POU2F1: variants seen among roughly 807,000 people sequenced by gnomAD.
POU2F1 encodes POU domain, class 2, transcription factor 1.
A neutral mutation model predicts 84.9 loss-of-function variants in POU2F1; 16 were observed. The observed-to-expected ratio is 0.19, with a 90% confidence interval of 0.13 to 0.29. The LOEUF (loss-of-function observed/expected upper bound fraction) is 0.29, where lower values mean the gene tolerates loss of function less well. POU2F1 is among the 10% of genes least tolerant of loss of function. The probability of loss-of-function intolerance (pLI) is 1.00; values close to 1 mark genes in which losing one functional copy is unlikely to be tolerated. For missense variants in POU2F1, 738 were observed against 942.6 expected (o/e 0.78, Z 2.84); for synonymous variants, 368 against 368.3 (o/e 1.00, Z 0.01).
rs934131892 is a variant in POU2F1 at position 167,424,744 on chromosome 1, T to A, written c.*8934T>A. On this transcript the variant is annotated 3_prime_UTR_variant, in exon 16 of 16. Coordinates refer to ENST00000367866, the MANE Select transcript of POU2F1 (RefSeq NM_002697.4). ...TTCTATTCCTTTTTGTTGCAAGGGG[T>A]CTTCACAGGTCTCTTAACATCTGCT... The A allele has an allele frequency of 6.6e-6, 1 of 152,102 alleles. No homozygotes were observed. The highest frequency in any genetic ancestry group is 1.5e-5 in the Non-Finnish European group (1 of 68,038). 9.4% of individuals were successfully genotyped at this position (152,102 alleles called of 1,614,324 possible).
At chr1:167,393,776 G>A (rs978573105) in intron 9 of POU2F1, among the ~76,000 whole-genome samples, 2 of 152,086 alleles carry the variant, frequency 1.3e-5, no homozygotes, top group South Asian at 2.1e-4. Flanking sequence ...AAAATTTGTA[G>A]CTTATTGTGC....
intron 2 of POU2F1, among the ~76,000 whole-genome samples, chr1:167,341,708 C>CT (rs1657868368): frequency 6.6e-6 from 1 of 152,194 alleles, no homozygotes; most frequent in Admixed American, 6.5e-5. Flanking sequence ...TTTCAGTGCA[C>CT]TCTTTTAGCC....
intron 1 of POU2F1, among the ~76,000 whole-genome samples, chr1:167,315,801 C>G (rs1655848577): frequency 6.9e-6 from 1 of 144,242 alleles, no homozygotes; most frequent in African/African-American, 2.8e-5. Flanking sequence ...GATACCCCAT[C>G]TCTTTAAAAA....
intron 1 of POU2F1, among the ~76,000 whole-genome samples, chr1:167,319,596 C>T (rs1409284645): frequency 2.0e-5 from 3 of 151,866 alleles, no homozygotes; most frequent in East Asian, 1.9e-4. Flanking sequence ...GTAGCTAGAG[C>T]TTGGCTAGTA....
At chr1:167,234,871 T>C (rs1032115468) in intron 1 of POU2F1, among the ~76,000 whole-genome samples, 4 of 152,366 alleles carry the variant, frequency 2.6e-5, no homozygotes, top group South Asian at 2.1e-4. Flanking sequence ...TTACATGTTA[T>C]TTTGATAAAA....
Position 167,396,317 on chromosome 1 carries a change from A to G in POU2F1, c.1019A>G (p.Tyr340Cys). ...GTTGGGCTCGCTATGGGGAAACTAT[A>G]TGGAAATGACTTCAGCCAAACTACC... ...GDVGLAMGKL[Y>C]GNDFSQTTIS... Residue 340 changes from tyrosine (Y) to cysteine (C), a missense_variant, in exon 10 of 16, where the codon TAT (tyrosine) becomes TGT (cysteine). This residue lies in a region of POU2F1 where 95 missense variants were observed against 195.1 expected (regional missense o/e 0.49). Transcript: ENST00000367866. 6.2e-7 allele frequency: 1 copy of G among 1,614,128 alleles called. No homozygotes were observed. The highest frequency in any genetic ancestry group is 1.1e-5 in the South Asian group (1 of 91,082).
intron 1 of POU2F1, among the ~76,000 whole-genome samples, chr1:167,228,451 A>C (rs1239229557): frequency 6.6e-6 from 1 of 152,252 alleles, no homozygotes; most frequent in African/African-American, 2.4e-5. Flanking sequence ...TGAAATAGAT[A>C]AGTCGTGATA....
intron 1 of POU2F1, among the ~76,000 whole-genome samples, chr1:167,300,120 G>T (rs1357102939): frequency 3.9e-5 from 6 of 152,152 alleles, no homozygotes; most frequent in African/African-American, 1.4e-4. Flanking sequence ...CAGCAACATG[G>T]ATACAGCTGG....
intron 15 of POU2F1, among the ~76,000 whole-genome samples, chr1:167,413,841 A>G (rs1331436328): frequency 6.6e-6 from 1 of 152,176 alleles, no homozygotes; most frequent in Non-Finnish European, 1.5e-5. Flanking sequence ...CTAATTAATT[A>G]GAATTTTTTT....
intron 1 of POU2F1, among the ~76,000 whole-genome samples, chr1:167,283,490 T>A (rs1158388492): frequency 6.6e-6 from 1 of 152,168 alleles, no homozygotes; most frequent in Non-Finnish European, 1.5e-5. Flanking sequence ...AATGGATGGT[T>A]GGGTAGATAG....
chr1:167,277,362 A>G (rs948412993), intron 1 of POU2F1, among the ~76,000 whole-genome samples: 6 of 151,978 alleles, frequency 3.9e-5, no homozygotes, highest in African/African-American at 1.5e-4. Context: ...TTGGCCTCCT[A>G]AGTAACTGTG....
chr1:167,271,476 A>T (rs1652361938), intron 1 of POU2F1, among the ~76,000 whole-genome samples: 1 of 152,272 alleles, frequency 6.6e-6, no homozygotes, highest in African/African-American at 2.4e-5. Flanking sequence ...AAGATTGGTC[A>T]GACTTCTATA....
rs1294512708 is a variant in POU2F1 at position 167,418,906 on chromosome 1, A to ATC, written c.*3096_*3097insTC. 6.6e-6 allele frequency: 1 copy of ATC among 152,204 alleles called. No individual in the cohort carries two copies. Among genetic ancestry groups the ATC allele is most frequent in the Non-Finnish European group, 1.5e-5 (1 of 68,032 alleles). The allele number at this position is 152,204 out of a possible 1,614,324, so 9.4% of individuals were successfully genotyped here. ...AATCTTTAGGAAAAGATAAATCTTT[A>ATC]GATAAAAATAAATTTTTTTCTCTTT... On this transcript the variant is annotated 3_prime_UTR_variant, in exon 16 of 16. Transcript: ENST00000367866.
chr1:167,422,248 A>C lies in POU2F1; in HGVS notation c.*6438A>C, dbSNP rs1650694442. The stretch of plus-strand genomic sequence containing the variant: ...GCGTGAATGCCTGGATGTGCAGTTG[A>C]GAAACAGAGGCAGACATAGACATGC... On this transcript the variant is annotated 3_prime_UTR_variant, in exon 16 of 16. Transcript: ENST00000367866. 1 of 152,276 alleles carries C rather than the reference A, an allele frequency of 6.6e-6. No individual in the cohort carries two copies. Among genetic ancestry groups the C allele is most frequent in the African/African-American group, 2.4e-5 (1 of 41,468 alleles). The allele number at this position is 152,276 out of a possible 1,614,324, so 9.4% of individuals were successfully genotyped here. A position where few individuals can be genotyped will look rare whatever the true frequency, so the allele number is the denominator to read the frequency against.
At chr1:167,292,444 C>G (rs968803968) in intron 1 of POU2F1, among the ~76,000 whole-genome samples, 1 of 151,260 alleles carries the variant, frequency 6.6e-6, no homozygotes, top group Non-Finnish European at 1.5e-5. Context: ...CATCATTAAA[C>G]CCTGAACAGA....
At chr1:167,399,961 T>G (rs1649081100) in intron 12 of POU2F1, among the ~76,000 whole-genome samples, 2 of 126,182 alleles carry the variant, frequency 1.6e-5, no homozygotes, top group South Asian at 5.2e-4. Context: ...GAGCCACCAT[T>G]CCCAGTCTTT....
At position 167,238,283 on chromosome 1, in the gene POU2F1, A is replaced by G. The variant is rs376777269; in HGVS notation, c.61+17325A>G. ...TGCAAAATAAAAATATAAAAGACCT[A>G]ATATAAAAATCTAATATTTATTTCC... On this transcript the variant is annotated intron_variant, in intron 1 of 15. Coordinates refer to ENST00000367866, the MANE Select transcript of POU2F1 (RefSeq NM_002697.4). Among the ~76,000 whole-genome samples, 70 of 152,310 alleles carry G rather than the reference A, an allele frequency of 4.6e-4. No individual in the cohort carries two copies. The South Asian group carries it at 0.014, about 31-fold the overall frequency.
intron 2 of POU2F1, among the ~76,000 whole-genome samples, chr1:167,357,801 A>ATTTTTTT (rs71572451): frequency 2.5e-5 from 3 of 119,224 alleles, no homozygotes; most frequent in Non-Finnish European, 3.5e-5. Context: ...TTATTAATTG[A>ATTTTTTT]TTTTTTTTTT....
chr1:167,255,989 C>G (rs1394256446), intron 1 of POU2F1, among the ~76,000 whole-genome samples: 1 of 152,068 alleles, frequency 6.6e-6, no homozygotes, highest in East Asian at 1.9e-4. Flanking sequence ...ACTTTTAGTC[C>G]GTGCTTACGG....
Sources: allele counts gnomAD v4.1 joint callset (sites outside exome capture counted in the v4.1 genomes callset), GRCh38; gene constraint gnomAD v4.1.1; regional missense constraint gnomAD v4.1.1; transcripts MANE v1.5; gene names NCBI Gene and HGNC (gene_info 2026-07-23, HGNC 2026-07-21).